The following GUCY1A2 variants were observed in gnomAD, a reference collection of about 807,000 sequenced individuals.
GUCY1A2 encodes guanylate cyclase soluble subunit alpha-2.
In GUCY1A2, 27 loss-of-function variants were observed where a neutral mutation model predicts 63.5. That is an observed-to-expected ratio of 0.43 (90% CI 0.31 to 0.59). The LOEUF (loss-of-function observed/expected upper bound fraction) is 0.59, where lower values mean the gene tolerates loss of function less well. Ranked by LOEUF, GUCY1A2 falls within the 20% of genes least tolerant of loss-of-function variation. The pLI is 0.11. For synonymous variants in GUCY1A2, 364 were observed against 343.5 expected (o/e 1.06, Z -0.66); for missense variants, 768 against 913.3 (o/e 0.84, Z 2.05).
intron 4 of GUCY1A2, among the ~76,000 whole-genome samples, chr11:106,919,239 C>T (rs1481579847): frequency 6.6e-6 from 1 of 152,064 alleles, no homozygotes; most frequent in African/African-American, 2.4e-5. Context: ...CACAAATTGG[C>T]ATACGTTGGT....
At chr11:106,814,906 T>C (rs990600268) in intron 4 of GUCY1A2, among the ~76,000 whole-genome samples, 2 of 151,842 alleles carry the variant, frequency 1.3e-5, no homozygotes, top group Non-Finnish European at 2.9e-5. Flanking sequence ...AGAATCATAA[T>C]AAGAACCAAG....
intron 7 of GUCY1A2, among the ~76,000 whole-genome samples, chr11:106,703,960 G>A (rs1862862146): frequency 6.6e-6 from 1 of 151,904 alleles, no homozygotes; most frequent in South Asian, 2.1e-4. Flanking sequence ...GCTTAAATTT[G>A]GGAATTTCCC....
chr11:106,698,250 A>G, intron 7 of GUCY1A2, among the ~76,000 whole-genome samples: 1 of 150,102 alleles, frequency 6.7e-6, no homozygotes, highest in East Asian at 1.9e-4. Flanking sequence ...CTCTTGAGCA[A>G]CTGAGACTTT....
intron 2 of GUCY1A2, among the ~76,000 whole-genome samples, chr11:106,979,065 C>A (rs1565349483): frequency 6.6e-6 from 1 of 152,328 alleles, no homozygotes; most frequent in Non-Finnish European, 1.5e-5. Context: ...TATAAGGAAG[C>A]TGCCTAGAAA....
At chr11:106,715,620 A>G (rs1487908) in intron 6 of GUCY1A2, among the ~76,000 whole-genome samples, 37,659 of 152,046 alleles carry the variant, frequency 0.25, 5,660 homozygotes, top group Non-Finnish European at 0.33. Context: ...ATTAAATCCA[A>G]CACCAGAAAC....
At position 106,964,807 on chromosome 11, in the gene GUCY1A2, A is replaced by G. The variant is rs543557998; in HGVS notation, c.487+13812T>C. ...ATCCTGGCTAACGCGGTGAAACCCC[A>G]TCTCTACTAAAAATACGAAAAAATT... On this transcript the variant is annotated intron_variant, in intron 3 of 7. Transcript: ENST00000526355. 2.6e-3 allele frequency among the ~76,000 whole-genome samples: 400 copies of G among 152,138 alleles called. 2 individuals are homozygous for G. Among genetic ancestry groups the G allele is most frequent in the East Asian group, 4.5e-3 (23 of 5,142 alleles).
chr11:106,909,553 C>A (rs1404878158), intron 4 of GUCY1A2, among the ~76,000 whole-genome samples: 1 of 151,862 alleles, frequency 6.6e-6, no homozygotes, highest in African/African-American at 2.4e-5. Context: ...CCATGGCAAC[C>A]ACTAACCTGT....
At chr11:106,824,891 A>C in intron 4 of GUCY1A2, 2 of 1,613,212 alleles carry the variant, frequency 1.2e-6, no homozygotes, top group Non-Finnish European at 1.7e-6. Flanking sequence ...AGAAGGCTGC[A>C]AACATGCTTC....
chr11:106,825,995 C>A (rs1259674356), intron 4 of GUCY1A2, among the ~76,000 whole-genome samples: 5 of 152,014 alleles, frequency 3.3e-5, no homozygotes, highest in Non-Finnish European at 7.4e-5. Flanking sequence ...TAAAATACAA[C>A]CGATTTTAAA....
At chr11:106,813,847 T>C (rs34700949) in intron 4 of GUCY1A2, among the ~76,000 whole-genome samples, 23 of 152,214 alleles carry the variant, frequency 1.5e-4, no homozygotes, top group African/African-American at 5.1e-4. Flanking sequence ...CTATTGCCCA[T>C]GTACTGTGCT....
In GUCY1A2 at chr11:106,677,387, T is replaced by G. The variant is rs1436776053; in HGVS notation, c.*10162A>C. ...TTCAAGCTGTCACCACACTTGATATTTGGACTCTTGCATGGTTTCTCATTA... is the reference window on the plus strand; with the variant it reads ...TTCAAGCTGTCACCACACTTGATATGTGGACTCTTGCATGGTTTCTCATTA... On this transcript the variant is annotated 3_prime_UTR_variant, in exon 8 of 8. Transcript: ENST00000526355. The G allele has an allele frequency of 2.9e-5, 6 of 210,442 alleles. No homozygotes were observed. The highest frequency in any genetic ancestry group is 5.9e-5 in the Admixed American group (1 of 17,000). The allele number at this position is 210,442 out of a possible 1,614,324, so 13.0% of individuals were successfully genotyped here. A position where few individuals can be genotyped will look rare whatever the true frequency, so the allele number is the denominator to read the frequency against.
At chr11:106,877,563 T>C (rs2135468779) in intron 4 of GUCY1A2, among the ~76,000 whole-genome samples, 1 of 152,160 alleles carries the variant, frequency 6.6e-6, no homozygotes, top group African/African-American at 2.4e-5. Context: ...CTGGGATAAC[T>C]GGCTACCCAT....
At chr11:106,828,103 G>A (rs936172591) in intron 4 of GUCY1A2, among the ~76,000 whole-genome samples, 1 of 152,068 alleles carries the variant, frequency 6.6e-6, no homozygotes, top group Non-Finnish European at 1.5e-5. Context: ...CTGGCTATTA[G>A]TTCTTTGTTG....
At chr11:106,980,874 C>A (rs1861325865) in intron 2 of GUCY1A2, among the ~76,000 whole-genome samples, 1 of 26,630 alleles carries the variant, frequency 3.8e-5, no homozygotes, top group Admixed American at 4.2e-4. Flanking sequence ...TAAACACAGG[C>A]AACCCCACAG....
chr11:106,755,409 T>C (rs1490606005), intron 6 of GUCY1A2, among the ~76,000 whole-genome samples: 3 of 152,192 alleles, frequency 2.0e-5, no homozygotes, highest in African/African-American at 7.2e-5. Flanking sequence ...TTGTTTGCTC[T>C]TACTTCTCTA....
Position 106,744,228 on chromosome 11 carries a change from A to G in GUCY1A2, c.1836+32211T>C, listed in dbSNP as rs550502091. 5.9e-5 allele frequency among the ~76,000 whole-genome samples: 9 copies of G among 151,590 alleles called. No homozygotes were observed. The South Asian group carries it at 1.7e-3, about 28-fold the overall frequency. On this transcript the variant is annotated intron_variant, in intron 6 of 7. Transcript: ENST00000526355. ...GCAAATATCTTTCTGTGTCTCATCAATCATCAACATAAATGCTTTTTTTTT... is the reference window on the plus strand; with the variant it reads ...GCAAATATCTTTCTGTGTCTCATCAGTCATCAACATAAATGCTTTTTTTTT...
intron 4 of GUCY1A2, among the ~76,000 whole-genome samples, chr11:106,920,651 A>C (rs1860430488): frequency 6.6e-6 from 1 of 152,152 alleles, no homozygotes; most frequent in African/African-American, 2.4e-5. Context: ...CAGATCTTAT[A>C]ATTACAAATG....
At chr11:106,778,395 T>A (rs970181471) in intron 5 of GUCY1A2, among the ~76,000 whole-genome samples, 2 of 152,222 alleles carry the variant, frequency 1.3e-5, no homozygotes, top group Non-Finnish European at 2.9e-5. Context: ...CTATATAAAG[T>A]CAATACATAT....
intron 6 of GUCY1A2, among the ~76,000 whole-genome samples, chr11:106,742,491 C>T (rs887669260): frequency 6.6e-6 from 1 of 152,192 alleles, no homozygotes; most frequent in East Asian, 1.9e-4. Flanking sequence ...CTTCCAGGAA[C>T]CATCTGTGTC....
Sources: gnomAD v4.1 joint callset for allele counts (sites outside exome capture counted in the v4.1 genomes callset) on GRCh38, gnomAD v4.1.1 for gene constraint, MANE v1.5 for transcripts, NCBI Gene and HGNC (gene_info 2026-07-23, HGNC 2026-07-21) for gene names.